Variants in ESR1 observed in about 807,000 individuals in gnomAD.
ESR1 encodes the protein estrogen receptor 1.
ESR1 carries 12 observed loss-of-function variants against 52.7 expected under a neutral mutation model. The observed-to-expected ratio is 0.23, with a 90% confidence interval of 0.15 to 0.37. The LOEUF is 0.37. Among genes scored for constraint, ESR1 ranks in the 10% least tolerant of loss-of-function variants. The pLI is 1.00. For synonymous variants in ESR1, 305 were observed against 316.8 expected (o/e 0.96, Z 0.39); for missense variants, 584 against 779.7 (o/e 0.75, Z 2.99).
chr6:151,657,751 T>C (rs1006934115), intron 1 of ESR1, among the ~76,000 whole-genome samples: 1 of 152,210 alleles, frequency 6.6e-6, no homozygotes, highest in Non-Finnish European at 1.5e-5. Context: ...TATTTCAATA[T>C]GTATCCAGCT....
chr6:151,687,067 C>T (rs1007122705), upstream of ESR1, among the ~76,000 whole-genome samples: 1 of 152,202 alleles, frequency 6.6e-6, no homozygotes, highest in African/African-American at 2.4e-5. Context: ...CTCATGACCT[C>T]AGTGCAGGTT....
At chr6:152,044,858 C>A (rs2046099501) in intron 5 of ESR1, among the ~76,000 whole-genome samples, 1 of 152,184 alleles carries the variant, frequency 6.6e-6, no homozygotes, top group Admixed American at 6.5e-5. Flanking sequence ...TTTGACAACA[C>A]CCTCACAGAC....
intron 3 of ESR1, among the ~76,000 whole-genome samples, chr6:151,898,384 A>ATTTTTTTTTTTTTTTTTTTTTTTTTT (rs371510396): frequency 2.0e-5 from 2 of 101,232 alleles, no homozygotes; most frequent in African/African-American, 3.5e-5. Context: ...GGTTTTGTTC[A>ATTTTTTTTTTTTTTTTTTTTTTTTTT]TTTTTTTTTT....
Position 151,740,052 on chromosome 6 carries a change from C to T in ESR1, c.-71+38047C>T, listed in dbSNP as rs148544066. Among the ~76,000 whole-genome samples the T allele has an allele frequency of 1.9e-4, 29 of 152,194 alleles. No homozygotes were observed. The East Asian group carries it at 5.4e-3, about 28-fold the overall frequency. The stretch of plus-strand genomic sequence containing the variant: ...TATGCCTGTATTATTGCCAGGGTTC[C>T]CCTATGTATATTGAAACAAATAGTC... On this transcript the variant is annotated intron_variant, in intron 2 of 2. Transcript: ENST00000404742.
At chr6:152,018,566 G>A (rs1042411051) in intron 5 of ESR1, among the ~76,000 whole-genome samples, 2 of 152,016 alleles carry the variant, frequency 1.3e-5, no homozygotes, top group African/African-American at 2.4e-5. Context: ...AAGGAGGACC[G>A]CACACATTGT....
intron 2 of ESR1, among the ~76,000 whole-genome samples, chr6:151,736,276 G>A (rs1302173387): frequency 7.5e-6 from 1 of 132,884 alleles, no homozygotes; most frequent in African/African-American, 2.7e-5. Flanking sequence ...AATAAACAAT[G>A]AAATTGTATT....
At chr6:151,722,215 G>A (rs1781510370) in intron 2 of ESR1, among the ~76,000 whole-genome samples, 1 of 152,228 alleles carries the variant, frequency 6.6e-6, no homozygotes, top group African/African-American at 2.4e-5. Flanking sequence ...AGGAGTGAAG[G>A]CTTGTGCTTC....
chr6:151,813,526 G>A (rs1386457409), intron 1 of ESR1: 1 of 152,124 alleles, frequency 6.6e-6, no homozygotes, highest in East Asian at 1.9e-4. Flanking sequence ...CATTGTTTTA[G>A]AATTCTAATT....
chr6:151,670,724 C>T (rs1450607536), intron 1 of ESR1, among the ~76,000 whole-genome samples: 1 of 150,368 alleles, frequency 6.7e-6, no homozygotes, highest in Non-Finnish European at 1.5e-5. Context: ...ACTGGGATTA[C>T]AGGCTTGCGC....
At chr6:151,853,213 G>GA (rs1188826695) in intron 2 of ESR1, among the ~76,000 whole-genome samples, 6,782 of 112,014 alleles carry the variant, frequency 0.061, 556 homozygotes, top group East Asian at 0.2. Context: ...AAGAAAGAAA[G>GA]AAGGAAAAAG....
chr6:151,769,035 G>A (rs1785290836), intron 2 of ESR1, among the ~76,000 whole-genome samples: 1 of 152,164 alleles, frequency 6.6e-6, no homozygotes, highest in African/African-American at 2.4e-5. Flanking sequence ...GTGCTTTTAT[G>A]TATGGATACT....
At chr6:152,072,826 CT>C (rs1224388006) in intron 6 of ESR1, among the ~76,000 whole-genome samples, 1 of 152,242 alleles carries the variant, frequency 6.6e-6, no homozygotes, top group Non-Finnish European at 1.5e-5. Context: ...GCAAAATTCA[CT>C]TTCATCTTGA....
chr6:152,072,515 A>G (rs9397483), intron 6 of ESR1, among the ~76,000 whole-genome samples: 31,220 of 152,126 alleles, frequency 0.21, 4,417 homozygotes, highest in African/African-American at 0.39. Flanking sequence ...GAAGGAAGCT[A>G]CTGGACACGG....
intron 3 of ESR1, among the ~76,000 whole-genome samples, chr6:151,935,926 C>A (rs1187677580): frequency 3.3e-5 from 5 of 152,150 alleles, no homozygotes; most frequent in Admixed American, 3.3e-4. Context: ...GTATTCAAAT[C>A]CTAGAGATCA....
Position 151,807,905 on chromosome 6 carries a change from C to A in ESR1, c.-8C>A. On this transcript the variant is annotated 5_prime_UTR_variant, in exon 1 of 8. Coordinates refer to ENST00000206249, the MANE Select transcript of ESR1 (RefSeq NM_000125.4). The stretch of plus-strand genomic sequence containing the variant: ...ACACGGTCTGCACCCTGCCCGCGGC[C>A]ACGGACCATGACCATGACCCTCCAC... 1 of 1,613,170 alleles carries A rather than the reference C, an allele frequency of 6.2e-7. No homozygotes were observed. The highest frequency in any genetic ancestry group is 1.7e-4 in the Middle Eastern group (1 of 6,058).
intron 4 of ESR1, among the ~76,000 whole-genome samples, chr6:152,011,370 C>T (rs2042751838): frequency 6.6e-6 from 1 of 152,140 alleles, no homozygotes. Flanking sequence ...CACAAGTTTT[C>T]ACACTGAGTA....
chr6:151,841,234 T>A (rs1583595193), intron 1 of ESR1, among the ~76,000 whole-genome samples: 1 of 152,320 alleles, frequency 6.6e-6, no homozygotes, highest in East Asian at 1.9e-4. Context: ...TTCTAAAAAA[T>A]TCATTTTCTT....
At chr6:151,701,049 G>C (rs1779738830) in intron 1 of ESR1, among the ~76,000 whole-genome samples, 1 of 152,166 alleles carries the variant, frequency 6.6e-6, no homozygotes, top group African/African-American at 2.4e-5. Flanking sequence ...GGGAAAAGCT[G>C]TATTAAGTTG....
intron 4 of ESR1, among the ~76,000 whole-genome samples, chr6:152,005,406 AAAACAT>A (rs2042254101): frequency 6.6e-6 from 1 of 152,066 alleles, no homozygotes; most frequent in Non-Finnish European, 1.5e-5. Context: ...AATGAAAAGA[AAAACAT>A]AAACAGAAAA....
Sources: gnomAD v4.1 joint callset for allele counts (sites outside exome capture counted in the v4.1 genomes callset) on GRCh38, gnomAD v4.1.1 for gene constraint, MANE v1.5 for transcripts, NCBI Gene and HGNC (gene_info 2026-07-23, HGNC 2026-07-21) for gene names.